Variants in LRRTM4 observed in about 807,000 individuals in gnomAD.
LRRTM4 encodes the protein leucine-rich repeat transmembrane neuronal protein 4.
LRRTM4 carries 25 observed loss-of-function variants against 47.6 expected under a neutral mutation model. The observed-to-expected ratio is 0.53, with a 90% CI of 0.38 to 0.73. The LOEUF (loss-of-function observed/expected upper bound fraction) is 0.73, where lower values mean the gene tolerates loss of function less well. Among genes scored for constraint, LRRTM4 ranks in the 30% least tolerant of loss-of-function variants. The pLI, the probability that LRRTM4 is intolerant of heterozygous loss-of-function variation, is 0.00. For synonymous variants in LRRTM4, 311 were observed against 269.5 expected (o/e 1.15, Z -1.51); for missense variants, 638 against 713.4 (o/e 0.89, Z 1.20).
intron 3 of LRRTM4, among the ~76,000 whole-genome samples, chr2:77,454,338 A>G (rs1301740906): frequency 6.6e-6 from 1 of 152,168 alleles, no homozygotes; most frequent in African/African-American, 2.4e-5. Context: ...CTTTTTTAGT[A>G]CTTTTACCCA....
chr2:76,770,908 T>A (rs1342026322), intron 3 of LRRTM4, among the ~76,000 whole-genome samples: 1 of 152,178 alleles, frequency 6.6e-6, no homozygotes, highest in African/African-American at 2.4e-5. Flanking sequence ...AGAGTTCAAG[T>A]TAGCCTTTTC....
At chr2:77,374,906 G>C (rs912211958) in intron 3 of LRRTM4, among the ~76,000 whole-genome samples, 1 of 151,454 alleles carries the variant, frequency 6.6e-6, no homozygotes, top group African/African-American at 2.4e-5. Context: ...GTGAATTTCA[G>C]TTTCCAGAAG....
At chr2:76,981,269 A>G (rs761274206) in intron 3 of LRRTM4, among the ~76,000 whole-genome samples, 9 of 152,156 alleles carry the variant, frequency 5.9e-5, no homozygotes, top group Non-Finnish European at 7.3e-5. Flanking sequence ...ATAGATATCC[A>G]GAAGATAATA....
intron 3 of LRRTM4, among the ~76,000 whole-genome samples, chr2:76,818,030 TAA>T (rs750537798): frequency 2.8e-4 from 43 of 151,978 alleles, no homozygotes; most frequent in Non-Finnish European, 5.6e-4. Context: ...CTTTAAAAAG[TAA>T]AGAGGATACA....
intron 3 of LRRTM4, among the ~76,000 whole-genome samples, chr2:77,247,787 T>C (rs1675488291): frequency 6.6e-6 from 1 of 152,030 alleles, no homozygotes; most frequent in Non-Finnish European, 1.5e-5. Context: ...ATGTCTATAA[T>C]AAAAGAAGTT....
At chr2:76,952,721 C>CA (rs1675536370) in intron 3 of LRRTM4, among the ~76,000 whole-genome samples, 1 of 151,796 alleles carries the variant, frequency 6.6e-6, no homozygotes, top group Admixed American at 6.6e-5. Flanking sequence ...GATCATTCAG[C>CA]AAAAAAGACA....
intron 3 of LRRTM4, among the ~76,000 whole-genome samples, chr2:76,769,559 T>C (rs1430155227): frequency 2.0e-5 from 3 of 151,956 alleles, no homozygotes; most frequent in African/African-American, 4.8e-5. Context: ...AAAACAATAA[T>C]ATGGTTGTTA....
chr2:76,806,859 T>C (rs1477326686), intron 3 of LRRTM4, among the ~76,000 whole-genome samples: 2 of 151,988 alleles, frequency 1.3e-5, no homozygotes, highest in Non-Finnish European at 2.9e-5. Context: ...GATAAATGTC[T>C]TAATAGAAAA....
intron 3 of LRRTM4, among the ~76,000 whole-genome samples, chr2:77,058,856 G>C (rs556854945): frequency 2.6e-5 from 4 of 152,018 alleles, no homozygotes; most frequent in Admixed American, 2.6e-4. Flanking sequence ...AGGTAATATT[G>C]GATACTTAGT....
chr2:77,506,444 T>C (rs1012718493), intron 3 of LRRTM4, among the ~76,000 whole-genome samples: 6 of 151,756 alleles, frequency 4.0e-5, no homozygotes, highest in African/African-American at 1.2e-4. Context: ...CAAAGACTGT[T>C]TAGATTCCAC....
chr2:77,104,373 T>C (rs1028860491), intron 3 of LRRTM4, among the ~76,000 whole-genome samples: 2 of 152,190 alleles, frequency 1.3e-5, no homozygotes, highest in Non-Finnish European at 2.9e-5. Flanking sequence ...CATTTTAAAA[T>C]GTAAGTTAGC....
At chr2:76,882,763 T>C (rs1245651237) in intron 3 of LRRTM4, among the ~76,000 whole-genome samples, 1 of 152,030 alleles carries the variant, frequency 6.6e-6, no homozygotes, top group Non-Finnish European at 1.5e-5. Context: ...GAGTTTACTT[T>C]TTCCATTCAG....
At position 77,165,643 on chromosome 2, in the gene LRRTM4, G is replaced by A. The variant is rs189408845; in HGVS notation, c.1551+352675C>T. On this transcript the variant is annotated intron_variant, in intron 3 of 3. Transcript: ENST00000409884. The stretch of plus-strand genomic sequence containing the variant: ...AGTGGGCTTCATCCCTGGGATGCAA[G>A]GCTGGTTGAACATATGCAAATCAAT... Among the ~76,000 whole-genome samples, 4 of 152,270 alleles carry A rather than the reference G, an allele frequency of 2.6e-5. No homozygotes were observed. The East Asian group carries it at 7.7e-4, about 29-fold the overall frequency.
chr2:77,377,036 G>T (rs1343314399), intron 3 of LRRTM4, among the ~76,000 whole-genome samples: 1 of 151,756 alleles, frequency 6.6e-6, no homozygotes, highest in African/African-American at 2.4e-5. Flanking sequence ...TATATTATGA[G>T]TGATGATATA....
At chr2:77,474,262 G>T (rs549920923) in intron 3 of LRRTM4, among the ~76,000 whole-genome samples, 1 of 152,150 alleles carries the variant, frequency 6.6e-6, no homozygotes, top group African/African-American at 2.4e-5. Context: ...GAGGATAATG[G>T]CTGATAGAAA....
chr2:77,045,515 A>G (rs1679204490), intron 3 of LRRTM4, among the ~76,000 whole-genome samples: 1 of 151,930 alleles, frequency 6.6e-6, no homozygotes, highest in Non-Finnish European at 1.5e-5. Context: ...CTCATCTTGA[A>G]TTCTCATGTG....
chr2:76,955,084 A>G (rs947947691), intron 3 of LRRTM4, among the ~76,000 whole-genome samples: 1 of 151,920 alleles, frequency 6.6e-6, no homozygotes, highest in African/African-American at 2.4e-5. Context: ...CCTAAAGGGA[A>G]CTCTTCATGT....
intron 3 of LRRTM4, among the ~76,000 whole-genome samples, chr2:77,106,328 G>A (rs373607408): frequency 1.3e-5 from 2 of 152,090 alleles, no homozygotes; most frequent in South Asian, 2.1e-4. Context: ...TCCTGTTTAT[G>A]TTACATCTAC....
At chr2:76,807,457 T>TATATATAA (rs1553412656) in intron 3 of LRRTM4, among the ~76,000 whole-genome samples, 1 of 94,212 alleles carries the variant, frequency 1.1e-5, no homozygotes, top group Non-Finnish European at 2.0e-5. Flanking sequence ...TATATATATA[T>TATATATAA]ACATATATAT....
Sources: gnomAD v4.1 joint callset for allele counts (sites outside exome capture counted in the v4.1 genomes callset) on GRCh38, gnomAD v4.1.1 for gene constraint, MANE v1.5 for transcripts, NCBI Gene and HGNC (gene_info 2026-07-23, HGNC 2026-07-21) for gene names.